Variants in ATF2 observed in about 807,000 individuals in gnomAD.
ATF2 encodes activating transcription factor 2.
In ATF2, 24 loss-of-function variants were observed where a neutral mutation model predicts 60.6. The observed-to-expected ratio is 0.40, with a 90% CI of 0.29 to 0.56. The LOEUF (loss-of-function observed/expected upper bound fraction) is 0.56. Ranked by LOEUF, ATF2 falls within the 20% of genes least tolerant of loss-of-function variation. The pLI is 0.54. For missense variants in ATF2, 433 were observed against 607.7 expected (o/e 0.71, Z 3.02); for synonymous variants, 206 against 215.4 (o/e 0.96, Z 0.38).
intron 2 of ATF2, among the ~76,000 whole-genome samples, chr2:175,150,785 G>A (rs1246128120): frequency 6.6e-6 from 1 of 152,096 alleles, no homozygotes; most frequent in Admixed American, 6.6e-5. Flanking sequence ...GGGGTCCCTA[G>A]TCAGATAAAT....
intron 8 of ATF2, chr2:175,114,365 T>C (rs1191658432): frequency 2.7e-5 from 34 of 1,260,000 alleles, no homozygotes; most frequent in East Asian, 1.1e-4. Flanking sequence ...AAAACTGTCA[T>C]CAGAGAGCTC....
intron 12 of ATF2, among the ~76,000 whole-genome samples, chr2:175,084,612 T>G (rs1290248965): frequency 6.7e-6 from 1 of 149,242 alleles, no homozygotes; most frequent in African/African-American, 2.5e-5. Flanking sequence ...ACCGGCACAT[T>G]GTGCACATGT....
chr2:175,108,452 G>A (rs1189386607), intron 10 of ATF2, among the ~76,000 whole-genome samples: 5 of 149,424 alleles, frequency 3.3e-5, no homozygotes, highest in East Asian at 2.0e-4. Flanking sequence ...AGCCCCGTCC[G>A]GGAGGGAGGT....
chr2:175,153,036 A>G (rs1699414993), intron 1 of ATF2, among the ~76,000 whole-genome samples: 1 of 152,210 alleles, frequency 6.6e-6, no homozygotes, highest in Admixed American at 6.5e-5. Context: ...TACAAAAGTA[A>G]TTGCGGTTTT....
chr2:175,143,316 T>C (rs1698726817), intron 2 of ATF2, among the ~76,000 whole-genome samples: 1 of 152,124 alleles, frequency 6.6e-6, no homozygotes, highest in Admixed American at 6.5e-5. Flanking sequence ...ATAAATAGTA[T>C]TACAACTTCC....
intron 3 of ATF2, among the ~76,000 whole-genome samples, chr2:175,133,104 A>T (rs973067475): frequency 2.6e-5 from 4 of 151,900 alleles, no homozygotes; most frequent in African/African-American, 7.2e-5. Flanking sequence ...AAAAAAAAAT[A>T]AATAAATAAA....
intron 10 of ATF2, among the ~76,000 whole-genome samples, chr2:175,108,000 A>G (rs1012664008): frequency 6.6e-6 from 1 of 151,650 alleles, no homozygotes. Flanking sequence ...CCGTCTGGGA[A>G]GTGAGGAGCG....
rs114845495 is a variant in ATF2 at position 175,149,458 on chromosome 2, T to G, written c.-44+1602A>C. Among the ~76,000 whole-genome samples the G allele has an allele frequency of 5.1e-3, 771 of 152,192 alleles. 5 individuals carry two copies. Among genetic ancestry groups the G allele is most frequent in the African/African-American group, 0.017 (709 of 41,508 alleles). ...ACGTGAACTAAATCAAGAGGAGGAT[T>G]TTTGCAAGATCACTAATAAAAGTAT... On this transcript the variant is annotated intron_variant, in intron 2 of 13. Transcript: ENST00000264110.
intron 1 of ATF2, among the ~76,000 whole-genome samples, chr2:175,156,377 CAAAAAAAAAAAAA>C (rs57399474): frequency 1.8e-5 from 1 of 56,020 alleles, no homozygotes; most frequent in African/African-American, 5.8e-5. Flanking sequence ...TCTCAAAAAA[CAAAAAAAAAAAAA>C]AAAAAAAAAA....
intron 12 of ATF2, among the ~76,000 whole-genome samples, chr2:175,083,104 T>C (rs1693878480): frequency 6.6e-6 from 1 of 151,808 alleles, no homozygotes; most frequent in Non-Finnish European, 1.5e-5. Context: ...GCCATCCCCA[T>C]CAAGCTACCA....
Position 175,111,633 on chromosome 2 carries a change from C to T in ATF2, c.763G>A (p.Val255Met). 1 of 1,613,598 alleles carries T rather than the reference C, an allele frequency of 6.2e-7. No individual in the cohort carries two copies. The highest frequency in any genetic ancestry group is 8.5e-7 in the Non-Finnish European group (1 of 1,179,744). ...AVPLVRPVTM[V>M]PSVPGIPGPS... is the part of the protein sequence containing the mutation. ...CCTGGGATTCCTGGAACACTAGGCA[C>T]CATGGTGACTGGTCGAACGAGCTAT... is the stretch of plus-strand genomic sequence containing the variant. The change falls in exon 10 of 14, where the codon GTG becomes ATG. Residue 255 changes from valine to methionine, a missense_variant. This residue lies in a region of ATF2 where 246 missense variants were observed against 309.3 expected (regional missense o/e 0.80). Transcript: ENST00000264110.
chr2:175,136,446 G>C lies in ATF2; in HGVS notation c.-3C>G. ...TTCACATGTAACTTGAATTTCATAA[G>C]TTGAATAACTTATCACATTCTTTTT... On this transcript the variant is annotated 5_prime_UTR_variant, in exon 3 of 14. Coordinates refer to ENST00000264110, the MANE Select transcript of ATF2 (RefSeq NM_001880.4). The C allele has an allele frequency of 1.9e-6, 3 of 1,609,502 alleles. No homozygotes were observed. Among genetic ancestry groups the C allele is most frequent in the Non-Finnish European group, 2.5e-6 (3 of 1,177,640 alleles).
At chr2:175,142,720 AGT>A (rs755635658) in intron 2 of ATF2, among the ~76,000 whole-genome samples, 2,988 of 70,912 alleles carry the variant, frequency 0.042, 31 homozygotes, top group South Asian at 0.071. Context: ...AGAGAGAGAG[AGT>A]GTGTGTGTGT....
At chr2:175,131,475 T>C (rs1420397005) in intron 3 of ATF2, among the ~76,000 whole-genome samples, 2 of 152,180 alleles carry the variant, frequency 1.3e-5, no homozygotes, top group African/African-American at 4.8e-5. Flanking sequence ...GTGCCAGTAC[T>C]AGGCAGAGAC....
chr2:175,092,990 AG>A, intron 12 of ATF2, 70 bp downstream of exon 12: 1 of 1,530,088 alleles, frequency 6.5e-7, no homozygotes, highest in Non-Finnish European at 8.9e-7. Flanking sequence ...AGGCCCAACT[AG>A]GAAAAAAAAA....
chr2:175,166,092 T>C (rs1700332631), intron 1 of ATF2, among the ~76,000 whole-genome samples: 1 of 152,194 alleles, frequency 6.6e-6, no homozygotes, highest in South Asian at 2.1e-4. Context: ...GGATAAGATA[T>C]TTTAAAAAGG....
chr2:175,152,367 T>C (rs779369254), intron 1 of ATF2, among the ~76,000 whole-genome samples: 14 of 152,170 alleles, frequency 9.2e-5, no homozygotes, highest in Non-Finnish European at 1.6e-4. Flanking sequence ...TTGTTGTAGT[T>C]TGGAAAGGTA....
chr2:175,157,179 C>A (rs1206173400), intron 1 of ATF2, among the ~76,000 whole-genome samples: 1 of 152,148 alleles, frequency 6.6e-6, no homozygotes, highest in Non-Finnish European at 1.5e-5. Flanking sequence ...TAAAACTATT[C>A]TCATTATTTT....
At position 175,073,461 on chromosome 2, in the gene ATF2, A is replaced by ACACACACACGCG. The variant is rs1419888873; in HGVS notation, c.*1136_*1147dup. ...TTGCTGGCATAAACTATTAAAAGAC[A>ACACACACACGCG]CACACACACGCGCACACACACACAG... On this transcript the variant is annotated 3_prime_UTR_variant, in exon 14 of 14. Coordinates refer to ENST00000264110, the MANE Select transcript of ATF2 (RefSeq NM_001880.4). 3 of 152,128 alleles carry ACACACACACGCG rather than the reference A, an allele frequency of 2.0e-5. No homozygotes were observed. The highest frequency in any genetic ancestry group is 3.4e-3 in the Middle Eastern group (1 of 294). The allele number at this position is 152,128 out of a possible 1,614,324, so 9.4% of individuals were successfully genotyped here.
Sources: gnomAD v4.1 joint callset for allele counts (sites outside exome capture counted in the v4.1 genomes callset) on GRCh38, gnomAD v4.1.1 for gene constraint, gnomAD v4.1.1 regional missense constraint, MANE v1.5 for transcripts, NCBI Gene and HGNC (gene_info 2026-07-23, HGNC 2026-07-21) for gene names.